GPATCH1: variants seen among roughly 807,000 people sequenced by gnomAD.
The protein encoded by GPATCH1 is G-patch domain containing 1, also known as G patch domain-containing protein 1.
GPATCH1 carries 73 observed loss-of-function variants against 114.9 expected under a neutral mutation model. The observed-to-expected ratio is 0.64, with a 90% CI of 0.53 to 0.77. The LOEUF is 0.77. Ranked by LOEUF, GPATCH1 falls within the 30% of genes least tolerant of loss-of-function variation. The pLI, the probability that GPATCH1 is intolerant of heterozygous loss-of-function variation, is 0.00. For synonymous variants in GPATCH1, 391 were observed against 428.4 expected (o/e 0.91, Z 1.08); for missense variants, 1,058 against 1,144.3 (o/e 0.92, Z 1.09).
intron 2 of GPATCH1, 111 bp downstream of exon 2, chr19:33,088,379 C>A: frequency 2.5e-6 from 2 of 813,070 alleles, no homozygotes; most frequent in Non-Finnish European, 3.8e-6. Flanking sequence ...GAGTCTCGCT[C>A]TGTCGCCCAG....
chr19:33,112,310 A>T (rs1972864678), intron 12 of GPATCH1, among the ~76,000 whole-genome samples, 176 bp from the exon 13 acceptor site: 1 of 152,270 alleles, frequency 6.6e-6, no homozygotes, highest in South Asian at 2.1e-4. Flanking sequence ...CAAAATATAC[A>T]TGTATAGGAG....
At chr19:33,112,840 G>A in intron 13 of GPATCH1, 1 of 385,232 alleles carries the variant, frequency 2.6e-6, no homozygotes, top group Non-Finnish European at 4.6e-6. Context: ...TTGAAGCTAT[G>A]AAACTCAGAT....
Position 33,096,363 on chromosome 19 carries a change from C to G in GPATCH1, c.769C>G (p.Leu257Val). Residue 257 changes from leucine (L) to valine (V), a missense_variant, in exon 7 of 20, where the codon CTT (leucine) becomes GTT (valine). By Grantham distance (32) the Leu-to-Val change is conservative. Transcript: ENST00000170564. ...TGGAACTTCGGGAGAACATTTTAAT[C>G]TTTTCAGTGGTGGTTCTGAGAGAGC... Reference protein sequence around the residue: ...LFGTSGEHFNLFSGGSERAGD... With the variant: ...LFGTSGEHFNVFSGGSERAGD... 6.2e-7 allele frequency: 1 copy of G among 1,614,028 alleles called. No homozygotes were observed. The highest frequency in any genetic ancestry group is 8.5e-7 in the Non-Finnish European group (1 of 1,179,906).
intron 15 of GPATCH1, among the ~76,000 whole-genome samples, chr19:33,115,571 C>T (rs953213205): frequency 3.3e-5 from 5 of 150,922 alleles, no homozygotes; most frequent in African/African-American, 7.3e-5. Flanking sequence ...CTCGGCTCAC[C>T]GCAACCTCTG....
At chr19:33,081,421 G>T (rs1282760990) in intron 1 of GPATCH1, among the ~76,000 whole-genome samples, 155 bp downstream of exon 1, 2 of 152,182 alleles carry the variant, frequency 1.3e-5, no homozygotes. Flanking sequence ...CTCTCGGGGT[G>T]CTCACCTTCT....
chr19:33,125,772 T>C (rs1285591257), intron 18 of GPATCH1, among the ~76,000 whole-genome samples: 1 of 152,228 alleles, frequency 6.6e-6, no homozygotes, highest in Non-Finnish European at 1.5e-5. Context: ...AAACAATTTA[T>C]TTCTTATTTA....
At chr19:33,096,047 T>G (rs550595076) in intron 6 of GPATCH1, among the ~76,000 whole-genome samples, 160 bp from the exon 7 acceptor site, 1 of 152,348 alleles carries the variant, frequency 6.6e-6, no homozygotes, top group African/African-American at 2.4e-5. Flanking sequence ...GGTGTTAGCA[T>G]CCTTTGTGCC....
At chr19:33,123,158 G>A (rs1344213457) in intron 17 of GPATCH1, among the ~76,000 whole-genome samples, 1 of 151,946 alleles carries the variant, frequency 6.6e-6, no homozygotes, top group Non-Finnish European at 1.5e-5. Flanking sequence ...CCAGCACTTT[G>A]TGGGGGCCAA....
intron 9 of GPATCH1, among the ~76,000 whole-genome samples, chr19:33,105,117 AT>A (rs1340115635): frequency 3.9e-5 from 6 of 151,990 alleles, no homozygotes; most frequent in African/African-American, 1.5e-4. Flanking sequence ...CTCTACTCAC[AT>A]TATTCATAGT....
intron 4 of GPATCH1, 121 bp from the exon 5 acceptor site, chr19:33,094,051 T>G: frequency 3.1e-6 from 2 of 645,484 alleles, no homozygotes; most frequent in East Asian, 2.7e-5. Context: ...GTAATGTGGG[T>G]GAGGGCAAGG....
chr19:33,097,182 GA>G (rs559105206), intron 7 of GPATCH1, among the ~76,000 whole-genome samples: 185 of 151,858 alleles, frequency 1.2e-3, no homozygotes, highest in African/African-American at 4.3e-3. Context: ...GACCTCAGGT[GA>G]TCCACCCGCC....
intron 1 of GPATCH1, among the ~76,000 whole-genome samples, chr19:33,084,123 C>T (rs1972510226): frequency 6.6e-6 from 1 of 152,182 alleles, no homozygotes; most frequent in South Asian, 2.1e-4. Context: ...TTTCTAAGCA[C>T]TTTGAAATTT....
At chr19:33,119,745 G>T (rs1434343294) in intron 17 of GPATCH1, among the ~76,000 whole-genome samples, 1 of 149,010 alleles carries the variant, frequency 6.7e-6, no homozygotes, top group Non-Finnish European at 1.5e-5. Context: ...CTCTAGCTGG[G>T]CTGGTGGCTC....
chr19:33,096,537 T>C (rs934668924), intron 7 of GPATCH1, 91 bp downstream of exon 7: 8 of 1,101,968 alleles, frequency 7.3e-6, no homozygotes, highest in Non-Finnish European at 1.0e-5. Flanking sequence ...TTTATTTTCT[T>C]TTTTTTTCCC....
intron 4 of GPATCH1, 38 bp downstream of exon 4, chr19:33,093,557 G>A (rs887723220): frequency 1.1e-5 from 17 of 1,572,998 alleles, no homozygotes; most frequent in Middle Eastern, 1.7e-4. Context: ...TCTTAGCACC[G>A]GTGTTTTGCA....
At chr19:33,088,082 G>T in intron 1 of GPATCH1, 52 bp from the exon 2 acceptor site, 3 of 1,081,814 alleles carry the variant, frequency 2.8e-6, no homozygotes, top group South Asian at 3.5e-5. Context: ...AATTTGAACC[G>T]ACCATCTCCT....
chr19:33,103,993 G>C (rs1375326937), intron 9 of GPATCH1, among the ~76,000 whole-genome samples: 12 of 151,984 alleles, frequency 7.9e-5, no homozygotes, highest in Admixed American at 7.9e-4. Context: ...TGAATCTAGA[G>C]GTCAAACAGA....
intron 1 of GPATCH1, among the ~76,000 whole-genome samples, chr19:33,086,974 A>T (rs1398718300): frequency 1.3e-5 from 2 of 151,772 alleles, no homozygotes; most frequent in African/African-American, 4.9e-5. Flanking sequence ...CATCTCAAAA[A>T]AAAAAAATAA....
chr19:33,110,610 A>C (rs1972840872), intron 11 of GPATCH1, among the ~76,000 whole-genome samples: 2 of 152,022 alleles, frequency 1.3e-5, no homozygotes, highest in Admixed American at 1.3e-4. Flanking sequence ...ACTGTGCCTT[A>C]ACTCTCTACT....
Sources: allele counts gnomAD v4.1 joint callset (sites outside exome capture counted in the v4.1 genomes callset), GRCh38; gene constraint gnomAD v4.1.1; transcripts MANE v1.5; gene names NCBI Gene and HGNC (gene_info 2026-07-23, HGNC 2026-07-21).